Variants in DPP6 observed in about 807,000 individuals in gnomAD.
DPP6 encodes dipeptidyl peptidase like 6.
DPP6 carries 69 observed loss-of-function variants against 122.6 expected under a neutral mutation model. The ratio of observed to expected loss-of-function variants is 0.56; its 90% CI spans 0.46 to 0.69. The LOEUF is 0.69. Among genes scored for constraint, DPP6 ranks in the 30% least tolerant of loss-of-function variants. The probability of loss-of-function intolerance (pLI) is 0.00; values close to 1 mark genes in which losing one functional copy is unlikely to be tolerated. For missense variants in DPP6, 928 were observed against 1,116.9 expected (o/e 0.83, Z 2.41); for synonymous variants, 418 against 433.1 (o/e 0.97, Z 0.43).
intron 1 of DPP6, among the ~76,000 whole-genome samples, chr7:154,306,392 C>T (rs557008812): frequency 6.6e-6 from 1 of 152,350 alleles, no homozygotes; most frequent in Admixed American, 6.5e-5. Context: ...TCAGGCAGAT[C>T]ATTAAAATAG....
chr7:153,981,049 A>T (rs867790949), intron 1 of DPP6, among the ~76,000 whole-genome samples: 27 of 152,200 alleles, frequency 1.8e-4, no homozygotes, highest in Non-Finnish European at 3.4e-4. Context: ...AGTTCTGTAG[A>T]TGCCTATTAA....
chr7:153,850,749 TC>T, the DPP6 span, among the ~76,000 whole-genome samples: 2,095 of 152,214 alleles, frequency 0.014, 60 homozygotes, highest in African/African-American at 0.048. Context: ...AATAAAACCA[TC>T]AGATTTAGTG....
intron 1 of DPP6, among the ~76,000 whole-genome samples, chr7:153,902,565 TG>T (rs1799681934): frequency 6.6e-6 from 1 of 152,156 alleles, no homozygotes; most frequent in African/African-American, 2.4e-5. Flanking sequence ...CCGGGCGTGG[TG>T]GCTCACACCT....
chr7:153,959,552 A>T (rs371872632), intron 1 of DPP6, among the ~76,000 whole-genome samples: 2 of 152,354 alleles, frequency 1.3e-5, no homozygotes, highest in South Asian at 4.1e-4. Flanking sequence ...TGTTATGGAG[A>T]TGGTTTTGCT....
intron 1 of DPP6, among the ~76,000 whole-genome samples, chr7:154,401,426 A>G (rs1389820779): frequency 2.0e-5 from 3 of 152,052 alleles, no homozygotes; most frequent in African/African-American, 7.2e-5. Context: ...TGATTTTTTG[A>G]CCCTGAGAAA....
At chr7:154,382,245 TGCTGCAATCTTG>T (rs2151144770) in intron 1 of DPP6, among the ~76,000 whole-genome samples, 1 of 152,212 alleles carries the variant, frequency 6.6e-6, no homozygotes, top group East Asian at 1.9e-4. Context: ...TGGAGTGCAG[TGCTGCAATCTTG>T]GCTCACTGCA....
At chr7:154,579,824 T>C (rs1320969492) in intron 5 of DPP6, among the ~76,000 whole-genome samples, 1 of 151,998 alleles carries the variant, frequency 6.6e-6, no homozygotes, top group Admixed American at 6.6e-5. Context: ...CCCATGTGCA[T>C]TGATGGGAGA....
intron 1 of DPP6, among the ~76,000 whole-genome samples, chr7:154,180,722 A>T (rs908037206): frequency 1.3e-5 from 2 of 151,726 alleles, no homozygotes; most frequent in South Asian, 4.1e-4. Flanking sequence ...ATCTTTTTTT[A>T]AAAAAATTCT....
intron 1 of DPP6, among the ~76,000 whole-genome samples, chr7:154,357,942 G>A (rs1178656626): frequency 2.1e-5 from 3 of 140,176 alleles, no homozygotes; most frequent in Non-Finnish European, 4.5e-5. Context: ...GTGAAACTTC[G>A]TCTCAAAAAA....
the DPP6 span, among the ~76,000 whole-genome samples, chr7:153,754,744 A>G: frequency 6.6e-6 from 1 of 152,056 alleles, no homozygotes; most frequent in African/African-American, 2.4e-5. Flanking sequence ...TCTTTTTCAG[A>G]TTTAATTTCT....
intron 5 of DPP6, among the ~76,000 whole-genome samples, chr7:154,594,834 A>G (rs1306424394): frequency 6.6e-6 from 1 of 152,110 alleles, no homozygotes; most frequent in African/African-American, 2.4e-5. Context: ...CCAGACCCAG[A>G]TCCTGCCTGG....
chr7:154,800,410 C>T (rs74584344), intron 12 of DPP6, among the ~76,000 whole-genome samples: 3,456 of 152,316 alleles, frequency 0.023, 114 homozygotes, highest in African/African-American at 0.078. Context: ...TCAGAAAATA[C>T]ATCTCGCAAC....
chr7:153,895,643 A>G (rs1799378112), intron 1 of DPP6, among the ~76,000 whole-genome samples: 2 of 151,652 alleles, frequency 1.3e-5, no homozygotes, highest in Admixed American at 1.3e-4. Context: ...CACAAAATCT[A>G]GAGCATTCAT....
intron 7 of DPP6, among the ~76,000 whole-genome samples, chr7:154,674,854 C>T (rs1456428936): frequency 6.6e-6 from 1 of 152,128 alleles, no homozygotes; most frequent in Non-Finnish European, 1.5e-5. Flanking sequence ...ATTCTCACAG[C>T]CATGCTTCAC....
At chr7:154,490,781 A>G (rs1462894438) in intron 3 of DPP6, among the ~76,000 whole-genome samples, 1 of 152,194 alleles carries the variant, frequency 6.6e-6, no homozygotes, top group East Asian at 1.9e-4. Context: ...TGAGTCAGGA[A>G]TTTTAATGGG....
At chr7:153,980,179 T>C (rs1328507437) in intron 1 of DPP6, among the ~76,000 whole-genome samples, 1 of 151,838 alleles carries the variant, frequency 6.6e-6, no homozygotes, top group African/African-American at 2.4e-5. Context: ...GGTCCTGGGC[T>C]TTTTTTTGGT....
At position 154,849,098 on chromosome 7, in the gene DPP6, G is replaced by A. The variant is rs549465981; in HGVS notation, c.1667-4682G>A. Among the ~76,000 whole-genome samples, 74 of 152,100 alleles carry A rather than the reference G, an allele frequency of 4.9e-4. 1 individual carries two copies. Among genetic ancestry groups the A allele is most frequent in the African/African-American group, 1.4e-3 (59 of 41,492 alleles). ...ACGTTTTGAAATCAGGCGGTGTGAT[G>A]CCTCCTGTTTTATTCTTTTTGAACA... On this transcript the variant is annotated intron_variant, in intron 16 of 25. Coordinates refer to ENST00000377770, the MANE Select transcript of DPP6 (RefSeq NM_130797.4).
intron 1 of DPP6, among the ~76,000 whole-genome samples, chr7:154,220,780 T>C (rs1445536626): frequency 6.6e-6 from 1 of 152,218 alleles, no homozygotes; most frequent in Non-Finnish European, 1.5e-5. Flanking sequence ...ACAACTCATA[T>C]GATAAGCTGG....
At chr7:154,065,142 T>C (rs1208548640) in intron 1 of DPP6, among the ~76,000 whole-genome samples, 1 of 152,076 alleles carries the variant, frequency 6.6e-6, no homozygotes, top group African/African-American at 2.4e-5. Context: ...CCATTGTCAC[T>C]ATCTTACCTG....
Sources: gnomAD v4.1 joint callset for allele counts (sites outside exome capture counted in the v4.1 genomes callset) on GRCh38, gnomAD v4.1.1 for gene constraint, MANE v1.5 for transcripts, NCBI Gene and HGNC (gene_info 2026-07-23, HGNC 2026-07-21) for gene names.